Variants in PHF24 observed in about 807,000 individuals in gnomAD.
PHF24 encodes PHD finger protein 24, also known as Galpha inhibitory interacting protein.
Under a neutral mutation model 42.6 loss-of-function variants are expected in PHF24, and 25 were observed. The observed-to-expected ratio is 0.59, with a 90% CI of 0.43 to 0.82. PHF24 has a LOEUF of 0.82. Ranked by LOEUF, PHF24 falls within the 40% of genes least tolerant of loss-of-function variation. PHF24 has a pLI of 0.00. For synonymous variants in PHF24, 185 were observed against 204.8 expected (o/e 0.90, Z 0.83); for missense variants, 470 against 538.1 (o/e 0.87, Z 1.25).
chr9:34,710,193 C>G, the PHF24 span: 1 of 711,592 alleles, frequency 1.4e-6, no homozygotes, highest in African/African-American at 1.8e-5. Context: ...CTTCCCTTAA[C>G]TTATCCCCAC....
rs940500311 is a variant in PHF24, at chr9:34,960,438, C to G, written c.-5+2037C>G. On this transcript the variant is annotated intron_variant, in intron 1 of 7. Coordinates refer to ENST00000242315, the Ensembl canonical transcript of PHF24. ...GCGCGCAACTCAGTGGAGTAAAGCC[C>G]GACAAAGGTTTTTGTTGGTTAGGAC... Among the ~76,000 whole-genome samples, 26 of 152,208 alleles carry G rather than the reference C, an allele frequency of 1.7e-4. No homozygotes were observed. The East Asian group carries it at 3.7e-3, about 21-fold the overall frequency.
the PHF24 span, among the ~76,000 whole-genome samples, chr9:34,682,437 C>T: frequency 4.6e-5 from 7 of 151,894 alleles, no homozygotes; most frequent in African/African-American, 1.7e-4. Flanking sequence ...GTCTGTCTTT[C>T]GGGGGGGTGA....
the PHF24 span, among the ~76,000 whole-genome samples, chr9:34,919,878 G>C: frequency 1.3e-5 from 2 of 152,104 alleles, no homozygotes; most frequent in African/African-American, 4.8e-5. Flanking sequence ...GCAACTGACA[G>C]GATCTTGTTC....
the PHF24 span, among the ~76,000 whole-genome samples, chr9:34,903,254 G>T: frequency 1.3e-5 from 2 of 152,196 alleles, no homozygotes; most frequent in Non-Finnish European, 2.9e-5. Context: ...GTTTGAAATT[G>T]CAGACTATTC....
chr9:34,950,169 G>A, the PHF24 span, among the ~76,000 whole-genome samples: 16 of 152,058 alleles, frequency 1.1e-4, no homozygotes, highest in East Asian at 2.9e-3. Flanking sequence ...GTCACATGGT[G>A]AAACCCCGTC....
At chr9:34,860,608 T>C in the PHF24 span, among the ~76,000 whole-genome samples, 1 of 152,248 alleles carries the variant, frequency 6.6e-6, no homozygotes, top group Admixed American at 6.5e-5. Flanking sequence ...CTAATTTTAT[T>C]GGTTAATACA....
At chr9:34,779,828 C>A in the PHF24 span, among the ~76,000 whole-genome samples, 3 of 152,064 alleles carry the variant, frequency 2.0e-5, no homozygotes, top group African/African-American at 4.8e-5. Context: ...TAAGTTCAAG[C>A]GATTCTCCTG....
chr9:34,936,304 C>G, the PHF24 span, among the ~76,000 whole-genome samples: 1 of 152,208 alleles, frequency 6.6e-6, no homozygotes, highest in African/African-American at 2.4e-5. Context: ...CTCCTAACCG[C>G]GAGTGATCCG....
chr9:34,799,908 G>C, the PHF24 span, among the ~76,000 whole-genome samples: 7 of 152,096 alleles, frequency 4.6e-5, no homozygotes, highest in Non-Finnish European at 8.8e-5. Context: ...GGTTAAAGAA[G>C]TTTCATTTAC....
At chr9:34,741,746 A>G in the PHF24 span, among the ~76,000 whole-genome samples, 1 of 152,100 alleles carries the variant, frequency 6.6e-6, no homozygotes, top group Non-Finnish European at 1.5e-5. Context: ...ACTACCTTCT[A>G]TTTGCTTTTC....
chr9:34,759,428 C>T, the PHF24 span, among the ~76,000 whole-genome samples: 788 of 152,230 alleles, frequency 5.2e-3, 10 homozygotes, highest in African/African-American at 0.018. Flanking sequence ...GCATAGTGTG[C>T]GGAGTCCTCC....
the PHF24 span, among the ~76,000 whole-genome samples, chr9:34,749,434 G>A: frequency 1.3e-5 from 2 of 151,970 alleles, no homozygotes; most frequent in African/African-American, 2.4e-5. Flanking sequence ...TTAAAGTCAA[G>A]GATATATAAA....
At chr9:34,861,585 A>G in the PHF24 span, among the ~76,000 whole-genome samples, 1 of 152,234 alleles carries the variant, frequency 6.6e-6, no homozygotes, top group African/African-American at 2.4e-5. Flanking sequence ...ACCACTGATC[A>G]AGTTGGGGAT....
the PHF24 span, among the ~76,000 whole-genome samples, chr9:34,846,146 C>A: frequency 6.6e-6 from 1 of 152,160 alleles, no homozygotes; most frequent in African/African-American, 2.4e-5. Context: ...AATGGTATTT[C>A]CAGTTCTAGA....
At chr9:34,951,437 G>A in the PHF24 span, among the ~76,000 whole-genome samples, 2 of 152,184 alleles carry the variant, frequency 1.3e-5, no homozygotes, top group African/African-American at 4.8e-5. Context: ...CTTTATAAGA[G>A]AAAGATTCAA....
At chr9:34,832,602 G>C in the PHF24 span, 1 of 1,543,036 alleles carries the variant, frequency 6.5e-7, no homozygotes, top group African/African-American at 1.4e-5. Context: ...AGAGAACATG[G>C]AATCCTTGTG....
chr9:34,940,520 G>A, the PHF24 span, among the ~76,000 whole-genome samples: 2 of 152,146 alleles, frequency 1.3e-5, no homozygotes, highest in Admixed American at 1.3e-4. Context: ...GGGAGACTGA[G>A]TCAGAAAGAT....
chr9:34,936,685 C>G, the PHF24 span, among the ~76,000 whole-genome samples: 3 of 150,336 alleles, frequency 2.0e-5, no homozygotes, highest in Non-Finnish European at 4.4e-5. Flanking sequence ...CCCGGCCACC[C>G]ATCGTCTGAG....
chr9:34,728,770 T>C, the PHF24 span: 1 of 938,230 alleles, frequency 1.1e-6, no homozygotes, highest in Non-Finnish European at 1.7e-6. Context: ...CTATCTGTAT[T>C]TTATACACTC....
Sources: allele counts gnomAD v4.1 joint callset (sites outside exome capture counted in the v4.1 genomes callset), GRCh38; gene constraint gnomAD v4.1.1; transcripts MANE v1.5; gene names NCBI Gene and HGNC (gene_info 2026-07-23, HGNC 2026-07-21).